Variants in B4GALT6 observed in about 807,000 individuals in gnomAD.
The protein encoded by B4GALT6 is beta-1,4-galactosyltransferase 6.
Under a neutral mutation model 46.3 loss-of-function variants are expected in B4GALT6, and 14 were observed. The ratio of observed to expected loss-of-function variants is 0.30; its 90% CI spans 0.20 to 0.47. B4GALT6 has a LOEUF of 0.47. B4GALT6 is among the 20% of genes least tolerant of loss of function. The pLI, the probability that B4GALT6 is intolerant of heterozygous loss-of-function variation, is 0.99. For synonymous variants in B4GALT6, 168 were observed against 162.0 expected (o/e 1.04, Z -0.28); for missense variants, 386 against 480.1 (o/e 0.80, Z 1.83).
At chr18:31,707,933 T>G in the B4GALT6 span, among the ~76,000 whole-genome samples, 1 of 152,206 alleles carries the variant, frequency 6.6e-6, no homozygotes, top group South Asian at 2.1e-4. Context: ...TCTATTATTC[T>G]TTCACCTGAC....
chr18:31,701,321 A>T, the B4GALT6 span, among the ~76,000 whole-genome samples: 885 of 152,290 alleles, frequency 5.8e-3, 5 homozygotes, highest in Non-Finnish European at 9.6e-3. Flanking sequence ...CATGTAAGAC[A>T]TTCCTGCTTC....
At chr18:31,644,065 CA>C (rs2073962138) in intron 4 of B4GALT6, among the ~76,000 whole-genome samples, 2 of 152,102 alleles carry the variant, frequency 1.3e-5, no homozygotes, top group African/African-American at 4.8e-5. Context: ...GAAAATCAAT[CA>C]AGAAATATGA....
At chr18:31,630,664 A>G (rs1374530788) in intron 6 of B4GALT6, among the ~76,000 whole-genome samples, 6 of 152,310 alleles carry the variant, frequency 3.9e-5, no homozygotes, top group South Asian at 4.2e-4. Flanking sequence ...TGACTAACCT[A>G]TAAGTCCTGG....
intron 3 of B4GALT6, among the ~76,000 whole-genome samples, chr18:31,654,174 G>A (rs577887477): frequency 2.6e-5 from 4 of 152,284 alleles, no homozygotes; most frequent in Non-Finnish European, 4.4e-5. Context: ...CACTGCAAAC[G>A]TATTCTATTT....
Position 31,645,484 on chromosome 18 carries a change from A to C in B4GALT6, c.347-5T>G. On this transcript the variant is annotated splice_region_variant and splice_polypyrimidine_tract_variant and intron_variant, in intron 3 of 8. Coordinates refer to ENST00000306851, the MANE Select transcript of B4GALT6 (RefSeq NM_004775.5). ...CATTGACATTGAGGAATCCTCCTAC[A>C]AATTAAAAATGTAAAGAATTGTTTT... 6.2e-7 allele frequency: 1 copy of C among 1,600,980 alleles called. No individual in the cohort carries two copies. The highest frequency in any genetic ancestry group is 8.5e-7 in the Non-Finnish European group (1 of 1,176,840).
At chr18:31,686,736 CTA>C (rs1482694756), upstream of B4GALT6, 3 of 152,190 alleles carry the variant, frequency 2.0e-5, no homozygotes, top group Non-Finnish European at 4.4e-5. Context: ...AAAACAAAAT[CTA>C]TGCAAGCCAA....
chr18:31,645,400 C>G lies in B4GALT6; in HGVS notation c.426G>C (p.Glu142Asp). The change falls in exon 4 of 9, where the codon GAG becomes GAC. Residue 142 changes from glutamate to aspartate, a missense_variant. Glu to Asp is a conservative substitution (Grantham distance 45, BLOSUM62 2). Around this residue, in one of 2 missense-constraint regions of B4GALT6, gnomAD observed 323 missense variants for 438.9 expected, o/e 0.74. Transcript: ENST00000306851. ...HQLFSKDLDI[E>D]PGGHWRPKDC... is the part of the protein sequence containing the mutation. ...CTTTTGGCCTCCAATGACCCCCTGG[C>G]TCAATATCTAAATCCTTGGAGAAGA... The G allele has an allele frequency of 1.2e-6, 2 of 1,613,900 alleles. No homozygotes were observed. Among genetic ancestry groups the G allele is most frequent in the Non-Finnish European group, 1.7e-6 (2 of 1,179,928 alleles).
chr18:31,720,799 G>A, the B4GALT6 span, among the ~76,000 whole-genome samples: 2 of 152,288 alleles, frequency 1.3e-5, no homozygotes, highest in East Asian at 3.9e-4. Context: ...ATAACAAACA[G>A]AAAGAGACCC....
At chr18:31,664,905 A>G (rs1014800535) in intron 2 of B4GALT6, among the ~76,000 whole-genome samples, 3 of 152,118 alleles carry the variant, frequency 2.0e-5, no homozygotes, top group Admixed American at 6.5e-5. Context: ...CAGTTCTTCT[A>G]AAAAAATTCC....
At chr18:31,689,666 C>T (rs1388932437), upstream of B4GALT6, among the ~76,000 whole-genome samples, 1 of 152,038 alleles carries the variant, frequency 6.6e-6, no homozygotes, top group Non-Finnish European at 1.5e-5. Flanking sequence ...ATTGCTTGAA[C>T]CCGGGAGACG....
intron 5 of B4GALT6, among the ~76,000 whole-genome samples, chr18:31,638,241 A>G (rs556876823): frequency 6.6e-6 from 1 of 152,118 alleles, no homozygotes; most frequent in Non-Finnish European, 1.5e-5. Flanking sequence ...TAAAACTAAG[A>G]ATTTGGCCGG....
At chr18:31,658,619 C>A (rs2074172980) in intron 2 of B4GALT6, among the ~76,000 whole-genome samples, 2 of 152,136 alleles carry the variant, frequency 1.3e-5, no homozygotes, top group Admixed American at 6.5e-5. Flanking sequence ...GGGCTGCAGC[C>A]CCGGGGGAGC....
intron 4 of B4GALT6, among the ~76,000 whole-genome samples, chr18:31,642,489 G>C (rs1006199891): frequency 5.9e-5 from 9 of 152,182 alleles, no homozygotes; most frequent in Non-Finnish European, 1.2e-4. Flanking sequence ...TTTAAGCCTG[G>C]AAGTTATAGA....
chr18:31,651,944 T>G (rs991499168), intron 3 of B4GALT6, among the ~76,000 whole-genome samples: 2 of 152,030 alleles, frequency 1.3e-5, no homozygotes, highest in Non-Finnish European at 2.9e-5. Flanking sequence ...CTAATTTTTT[T>G]TATTTTTGGT....
At chr18:31,692,223 A>C in the B4GALT6 span, among the ~76,000 whole-genome samples, 2 of 152,192 alleles carry the variant, frequency 1.3e-5, no homozygotes, top group Non-Finnish European at 1.5e-5. Context: ...TTATATATTT[A>C]GTAGTCAAAA....
upstream of B4GALT6, chr18:31,685,575 C>G (rs1411172010): frequency 6.6e-6 from 1 of 152,310 alleles, no homozygotes; most frequent in African/African-American, 2.4e-5. Flanking sequence ...GCCCCCTCCC[C>G]GCGCCCGCCG....
the B4GALT6 span, among the ~76,000 whole-genome samples, chr18:31,706,082 T>C: frequency 1.3e-5 from 2 of 152,170 alleles, no homozygotes; most frequent in Non-Finnish European, 2.9e-5. Flanking sequence ...GCCTAGAACA[T>C]AGTAAATGTT....
chr18:31,661,405 T>C (rs2074214896), intron 2 of B4GALT6, among the ~76,000 whole-genome samples: 1 of 152,174 alleles, frequency 6.6e-6, no homozygotes, highest in Admixed American at 6.5e-5. Context: ...GAGACTGTTA[T>C]TACATTATAC....
chr18:31,692,449 T>C, the B4GALT6 span, among the ~76,000 whole-genome samples: 1 of 152,206 alleles, frequency 6.6e-6, no homozygotes, highest in Non-Finnish European at 1.5e-5. Context: ...TGCACCTTTC[T>C]AAGAGCTAAT....
Sources: allele counts gnomAD v4.1 joint callset (sites outside exome capture counted in the v4.1 genomes callset), GRCh38; gene constraint gnomAD v4.1.1; regional missense constraint gnomAD v4.1.1; transcripts MANE v1.5; gene names NCBI Gene and HGNC (gene_info 2026-07-23, HGNC 2026-07-21).